Variants in CSNK1G1 observed in about 807,000 individuals in gnomAD.
CSNK1G1 encodes the protein casein kinase I isoform gamma-1.
CSNK1G1 carries 22 observed loss-of-function variants against 59.6 expected under a neutral mutation model. The ratio of observed to expected loss-of-function variants is 0.37; its 90% CI spans 0.26 to 0.53. CSNK1G1 has a LOEUF of 0.53. Ranked by LOEUF, CSNK1G1 falls within the 20% of genes least tolerant of loss-of-function variation. CSNK1G1 has a pLI of 0.89. For synonymous variants in CSNK1G1, 179 were observed against 177.1 expected, an observed-to-expected ratio of 1.01 and a Z score of -0.08; for missense variants, 384 against 519.5, an observed-to-expected ratio of 0.74 and a Z score of 2.54.
chr15:64,338,757 C>T (rs1168442759), intron 1 of CSNK1G1, among the ~76,000 whole-genome samples: 1 of 137,812 alleles, frequency 7.3e-6, no homozygotes, highest in Non-Finnish European at 1.5e-5. Flanking sequence ...ATAGCTTACA[C>T]CTGTAATCCC....
At chr15:64,311,843 G>T (rs1896014791) in intron 1 of CSNK1G1, among the ~76,000 whole-genome samples, 1 of 152,078 alleles carries the variant, frequency 6.6e-6, no homozygotes, top group Non-Finnish European at 1.5e-5. Flanking sequence ...TCACACCACT[G>T]CACTCCAGCC....
intron 1 of CSNK1G1, among the ~76,000 whole-genome samples, chr15:64,342,022 A>G (rs1482824005): frequency 1.3e-5 from 2 of 152,192 alleles, no homozygotes; most frequent in Admixed American, 1.3e-4. Flanking sequence ...TTTGTTCCCA[A>G]CTGGCTAAAT....
At chr15:64,280,657 G>A (rs1015454901) in intron 2 of CSNK1G1, among the ~76,000 whole-genome samples, 8 of 151,938 alleles carry the variant, frequency 5.3e-5, no homozygotes, top group Non-Finnish European at 4.4e-5. Context: ...CACTGCGCCC[G>A]GCCCCTTTTC....
chr15:64,192,949 A>T (rs2081992192), intron 10 of CSNK1G1, among the ~76,000 whole-genome samples: 1 of 151,446 alleles, frequency 6.6e-6, no homozygotes, highest in African/African-American at 2.4e-5. Flanking sequence ...AACTTTATCT[A>T]CTTCACTTTA....
At chr15:64,270,378 A>G (rs1893222935) in intron 2 of CSNK1G1, among the ~76,000 whole-genome samples, 1 of 151,368 alleles carries the variant, frequency 6.6e-6, no homozygotes, top group Non-Finnish European at 1.5e-5. Flanking sequence ...TTCTCTAATT[A>G]TTTTCATTGT....
chr15:64,296,894 T>C (rs1161899433), intron 2 of CSNK1G1, among the ~76,000 whole-genome samples: 1 of 144,956 alleles, frequency 6.9e-6, no homozygotes, highest in African/African-American at 2.5e-5. Context: ...AACTGTATAA[T>C]GGGGTGGAAA....
At chr15:64,211,485 G>T (rs924053688) in intron 6 of CSNK1G1, among the ~76,000 whole-genome samples, 3 of 152,046 alleles carry the variant, frequency 2.0e-5, no homozygotes, top group African/African-American at 7.2e-5. Context: ...CCAAGTCTGG[G>T]GGTAAACTCA....
intron 2 of CSNK1G1, among the ~76,000 whole-genome samples, chr15:64,286,407 T>C (rs1894427527): frequency 6.7e-6 from 1 of 149,026 alleles, no homozygotes; most frequent in Admixed American, 6.6e-5. Context: ...CTCATATTGT[T>C]AACATGTTAA....
chr15:64,264,649 C>T (rs908989053), intron 2 of CSNK1G1, among the ~76,000 whole-genome samples: 1 of 152,146 alleles, frequency 6.6e-6, no homozygotes, highest in African/African-American at 2.4e-5. Context: ...CTAAATCCAA[C>T]AACACACTAA....
At chr15:64,296,199 T>C (rs770619991) in intron 2 of CSNK1G1, among the ~76,000 whole-genome samples, 5 of 152,120 alleles carry the variant, frequency 3.3e-5, no homozygotes, top group Non-Finnish European at 7.4e-5. Flanking sequence ...TGGCTCATGG[T>C]AGCATCAGGC....
At position 64,188,634 on chromosome 15, in the gene CSNK1G1, G is replaced by A; in HGVS notation, c.1108-8180C>T. ...CTAACAACCACTGGAAAGCAGTGAGGAAAAGTAAGCTTGTCTACATTCATT... is the reference window on the plus strand; with the variant it reads ...CTAACAACCACTGGAAAGCAGTGAGAAAAAGTAAGCTTGTCTACATTCATT... On this transcript the variant is annotated intron_variant, in intron 10 of 11. Transcript: ENST00000303052. The surrounding 1 kb of genome is among the most constrained non-coding windows in gnomAD (Gnocchi z 4.2). 1.6e-6 allele frequency: 1 copy of A among 637,096 alleles called. No homozygotes were observed. Among genetic ancestry groups the A allele is most frequent in the Non-Finnish European group, 2.7e-6 (1 of 364,206 alleles). The allele number at this position is 637,096 out of a possible 1,614,324, so 39.5% of individuals were successfully genotyped here. A position where few individuals can be genotyped will look rare whatever the true frequency, so the allele number is the denominator to read the frequency against.
At position 64,339,262 on chromosome 15, in the gene CSNK1G1, G is replaced by T. The variant is rs914285553; in HGVS notation, c.-225+16726C>A. Among the ~76,000 whole-genome samples the T allele has an allele frequency of 2.0e-5, 3 of 152,146 alleles. No individual in the cohort carries two copies. In the East Asian group the frequency reaches 5.8e-4, roughly 29 times the overall value. ...GCCCTACCCCAGATGAGCTGAATCA[G>T]AAATTCAGGGGGTGAGGACCAGCAA... On this transcript the variant is annotated intron_variant, in intron 1 of 11. Coordinates refer to ENST00000303052, the MANE Select transcript of CSNK1G1 (RefSeq NM_022048.5).
chr15:64,353,985 C>T lies in CSNK1G1; in HGVS notation c.-225+2003G>A, dbSNP rs113069248. Among the ~76,000 whole-genome samples the T allele has an allele frequency of 6.9e-3, 1,053 of 152,060 alleles. 11 individuals are homozygous for T. The highest frequency in any genetic ancestry group is 0.017 in the African/African-American group (709 of 41,454). ...ATAAATCTAACTGAGATGAGAGGTG[C>T]TGCTGATGCTGCTGATTTTTATCTT... On this transcript the variant is annotated intron_variant, in intron 1 of 11. Transcript: ENST00000303052.
chr15:64,300,408 G>A lies in CSNK1G1; in HGVS notation c.92C>T (p.Ser31Phe). The A allele has an allele frequency of 1.2e-6, 2 of 1,614,186 alleles. No homozygotes were observed. Among genetic ancestry groups the A allele is most frequent in the Non-Finnish European group, 1.7e-6 (2 of 1,180,040 alleles). ...CATAAGAACCCCAGAGGACGATGAGGAGCCAGATGGTCGAGAGCAGTGTGC... is the reference window on the plus strand; with the variant it reads ...CATAAGAACCCCAGAGGACGATGAGAAGCCAGATGGTCGAGAGCAGTGTGC... The part of the protein sequence containing the change: ...RSAHCSRPSG[S>F]SSSSGVLMVG... The change falls in exon 2 of 12, where the codon TCC becomes TTC. Residue 31 changes from serine to phenylalanine, a missense_variant. Coordinates refer to ENST00000303052, the MANE Select transcript of CSNK1G1 (RefSeq NM_022048.5).
chr15:64,230,549 C>T (rs78408846), intron 4 of CSNK1G1, among the ~76,000 whole-genome samples: 2,314 of 152,266 alleles, frequency 0.015, 53 homozygotes, highest in African/African-American at 0.046. Context: ...TCTCCCACCT[C>T]ATCCTTCCCA....
intron 4 of CSNK1G1, among the ~76,000 whole-genome samples, chr15:64,239,094 G>T (rs1234711577): frequency 6.6e-6 from 1 of 152,102 alleles, no homozygotes; most frequent in Non-Finnish European, 1.5e-5. Context: ...CCTGCACACA[G>T]ATTCATCACA....
rs144152059 is a variant in CSNK1G1 at position 64,202,161 on chromosome 15, G to A, written c.1107+921C>T. Among the ~76,000 whole-genome samples, 37 of 152,262 alleles carry A rather than the reference G, an allele frequency of 2.4e-4. No individual in the cohort carries two copies. In the Middle Eastern group the frequency reaches 0.01, roughly 42 times the overall value. ...GGACAGATGACATCGCCTAAGCTGA[G>A]TCTTCACTGCAGGTCCATCTCAAAT... On this transcript the variant is annotated intron_variant, in intron 10 of 11. Coordinates refer to ENST00000303052, the MANE Select transcript of CSNK1G1 (RefSeq NM_022048.5).
chr15:64,203,171 C>T lies in CSNK1G1; in HGVS notation c.1018G>A (p.Val340Ile), dbSNP rs2082130827. The change falls in exon 10 of 12, where the codon GTT becomes ATT. Residue 340 changes from valine to isoleucine, a missense_variant. Val to Ile is a conservative substitution (Grantham distance 29). Transcript: ENST00000303052. ...GCAGATGCACCAGAATCTACGTGAA[C>T]TGACCCTACTGGAGTAGGCTAGAAA... ...GRPIPTPVGS[V>I]HVDSGASAIT... The T allele has an allele frequency of 6.2e-7, 1 of 1,613,796 alleles. No individual in the cohort carries two copies. The highest frequency in any genetic ancestry group is 2.2e-5 in the East Asian group (1 of 44,884).
chr15:64,236,845 T>C (rs2082622774), intron 4 of CSNK1G1, among the ~76,000 whole-genome samples: 1 of 152,232 alleles, frequency 6.6e-6, no homozygotes, highest in South Asian at 2.1e-4. Context: ...ACTCATGTAT[T>C]TTTCACAGGA....
Sources: allele counts gnomAD v4.1 joint callset (sites outside exome capture counted in the v4.1 genomes callset), GRCh38; gene constraint gnomAD v4.1.1; non-coding constraint Gnocchi (gnomAD v3.1); transcripts MANE v1.5; gene names NCBI Gene and HGNC (gene_info 2026-07-23, HGNC 2026-07-21).